The following CAMTA1 variants were observed in gnomAD, a reference collection of about 807,000 sequenced individuals.
CAMTA1 encodes calmodulin-binding transcription activator 1.
A neutral mutation model predicts 170.9 loss-of-function variants in CAMTA1; 27 were observed. That is an observed-to-expected ratio of 0.16 (90% CI 0.12 to 0.22). The LOEUF (loss-of-function observed/expected upper bound fraction) is 0.22, where lower values mean the gene tolerates loss of function less well. CAMTA1 is among the 10% of genes least tolerant of loss of function. The pLI is 1.00. For synonymous variants in CAMTA1, 833 were observed against 891.5 expected (o/e 0.93, Z 1.17); for missense variants, 1,619 against 2,217.2 (o/e 0.73, Z 5.42).
intron 6 of CAMTA1, among the ~76,000 whole-genome samples, chr1:7,594,703 C>G (rs993420488): frequency 6.6e-6 from 1 of 152,150 alleles, no homozygotes; most frequent in Non-Finnish European, 1.5e-5. Flanking sequence ...GCAAGGTTGA[C>G]AAATATGCTG....
chr1:7,098,111 G>GTGTT (rs1642289554), intron 4 of CAMTA1, among the ~76,000 whole-genome samples: 1 of 151,866 alleles, frequency 6.6e-6, no homozygotes, highest in Non-Finnish European at 1.5e-5. Flanking sequence ...GTGTGTGTGT[G>GTGTT]TGTGTGTGTG....
At chr1:7,761,314 G>A (rs1432270391) in intron 22 of CAMTA1, among the ~76,000 whole-genome samples, 2 of 152,248 alleles carry the variant, frequency 1.3e-5, no homozygotes, top group African/African-American at 4.8e-5. Context: ...CCTGAGGGCA[G>A]CACTGGCGCT....
intron 4 of CAMTA1, among the ~76,000 whole-genome samples, chr1:7,127,645 C>T (rs779238508): frequency 4.6e-5 from 7 of 152,144 alleles, no homozygotes; most frequent in African/African-American, 9.7e-5. Flanking sequence ...CAAGCAGGCA[C>T]GATGCTTGTC....
chr1:6,841,912 A>G (rs1418198853), intron 3 of CAMTA1, among the ~76,000 whole-genome samples: 2 of 152,172 alleles, frequency 1.3e-5, no homozygotes, highest in Non-Finnish European at 2.9e-5. Context: ...AGGGCCCGCA[A>G]GCCCACCTCA....
intron 3 of CAMTA1, among the ~76,000 whole-genome samples, chr1:6,900,513 A>G (rs1241199318): frequency 2.0e-5 from 3 of 152,158 alleles, no homozygotes; most frequent in Non-Finnish European, 4.4e-5. Context: ...TTTAGCCTTT[A>G]TTTGCAAACA....
At chr1:7,581,877 A>G (rs1335955104) in intron 6 of CAMTA1, among the ~76,000 whole-genome samples, 1 of 152,200 alleles carries the variant, frequency 6.6e-6, no homozygotes, top group African/African-American at 2.4e-5. Context: ...TCTCCTCATC[A>G]GTCACCAGAG....
intron 3 of CAMTA1, chr1:7,008,749 T>G (rs1169291290): frequency 6.6e-6 from 1 of 152,244 alleles, no homozygotes; most frequent in East Asian, 1.9e-4. Flanking sequence ...TCATTTGAGA[T>G]GATTATTTTA....
At chr1:7,753,063 G>A (rs1167425304) in intron 21 of CAMTA1, among the ~76,000 whole-genome samples, 2 of 152,166 alleles carry the variant, frequency 1.3e-5, no homozygotes, top group African/African-American at 2.4e-5. Flanking sequence ...AAGCCGGTCC[G>A]TGATGAGGAA....
At chr1:7,156,255 C>T (rs1464848416) in intron 4 of CAMTA1, among the ~76,000 whole-genome samples, 1 of 121,448 alleles carries the variant, frequency 8.2e-6, no homozygotes, top group African/African-American at 3.2e-5. Context: ...GCCTGGGCAA[C>T]AAGAATGAAA....
intron 4 of CAMTA1, among the ~76,000 whole-genome samples, chr1:7,197,210 A>T (rs1054284546): frequency 1.3e-5 from 2 of 152,194 alleles, no homozygotes; most frequent in African/African-American, 4.8e-5. Context: ...AGAACACTGA[A>T]GCCACACGTG....
At position 6,798,734 on chromosome 1, in the gene CAMTA1, C is replaced by T. The variant is rs1044225758; in HGVS notation, c.45+13159C>T. Among the ~76,000 whole-genome samples, 33 of 140,992 alleles carry T rather than the reference C, an allele frequency of 2.3e-4. 4 individuals carry two copies. The highest frequency in any genetic ancestry group is 4.0e-4 in the Non-Finnish European group (26 of 64,556). The allele number at this position is 140,992 out of a possible 152,430, so 92.5% of individuals were successfully genotyped here. A position where few individuals can be genotyped will look rare whatever the true frequency, so the allele number is the denominator to read the frequency against. On this transcript the variant is annotated intron_variant, in intron 1 of 22. Coordinates refer to ENST00000303635, the MANE Select transcript of CAMTA1 (RefSeq NM_015215.4). ...GCCTCAGCCTCCCGAGTAGCTGGGA[C>T]TACAGGCGCCCGCCACCGCGCCCGG... is the stretch of plus-strand genomic sequence containing the variant.
At chr1:7,430,193 G>A (rs1367994838) in intron 5 of CAMTA1, among the ~76,000 whole-genome samples, 4 of 151,118 alleles carry the variant, frequency 2.6e-5, no homozygotes, top group Admixed American at 6.6e-5. Context: ...TGGTGATGAC[G>A]GTGATAACAT....
At chr1:7,718,883 G>T (rs2096631305) in intron 11 of CAMTA1, among the ~76,000 whole-genome samples, 2 of 130,258 alleles carry the variant, frequency 1.5e-5, no homozygotes, top group African/African-American at 5.7e-5. Flanking sequence ...GACCTCATTA[G>T]TCTTAGGAGT....
chr1:7,197,109 C>T (rs555278390), intron 4 of CAMTA1, among the ~76,000 whole-genome samples: 13 of 152,290 alleles, frequency 8.5e-5, no homozygotes, highest in African/African-American at 2.4e-4. Flanking sequence ...TGCCATGTGT[C>T]TTGGAAAATG....
chr1:7,371,379 C>G (rs994541404), intron 5 of CAMTA1, among the ~76,000 whole-genome samples: 1 of 152,164 alleles, frequency 6.6e-6, no homozygotes, highest in African/African-American at 2.4e-5. Context: ...GCCTCAGCCT[C>G]CTGAGTAGCT....
chr1:7,135,957 C>T (rs1302429739), intron 4 of CAMTA1, among the ~76,000 whole-genome samples: 1 of 152,164 alleles, frequency 6.6e-6, no homozygotes, highest in African/African-American at 2.4e-5. Context: ...TGGTACTTAC[C>T]TGGCTATACC....
At chr1:7,079,626 C>T (rs1639754646) in intron 3 of CAMTA1, among the ~76,000 whole-genome samples, 1 of 151,916 alleles carries the variant, frequency 6.6e-6, no homozygotes, top group African/African-American at 2.4e-5. Flanking sequence ...CACACACCAT[C>T]ACGCCTGGCT....
chr1:7,339,524 GT>G (rs1044346207), intron 5 of CAMTA1, among the ~76,000 whole-genome samples: 15 of 152,190 alleles, frequency 9.9e-5, no homozygotes, highest in Admixed American at 9.8e-4. Flanking sequence ...GCCATTCTGA[GT>G]TTTTTTCCTC....
chr1:6,854,443 A>G lies in CAMTA1; in HGVS notation c.234+29233A>G, dbSNP rs866317838. Among the ~76,000 whole-genome samples, 8 of 152,350 alleles carry G rather than the reference A, an allele frequency of 5.3e-5. No individual in the cohort carries two copies. In the Middle Eastern group the frequency reaches 0.01, roughly 194 times the overall value. On this transcript the variant is annotated intron_variant, in intron 3 of 22. Coordinates refer to ENST00000303635, the MANE Select transcript of CAMTA1 (RefSeq NM_015215.4). The stretch of plus-strand genomic sequence containing the variant: ...GTAAGTACATTGTCATCTTTGCACA[A>G]TGATGAAATAGCCTAGTGATGCATT...
Sources: gnomAD v4.1 joint callset for allele counts (sites outside exome capture counted in the v4.1 genomes callset) on GRCh38, gnomAD v4.1.1 for gene constraint, MANE v1.5 for transcripts, NCBI Gene and HGNC (gene_info 2026-07-23, HGNC 2026-07-21) for gene names.